The following SLC16A13 variants were observed in gnomAD, a reference collection of about 807,000 sequenced individuals.
SLC16A13 encodes monocarboxylate transporter 13.
SLC16A13 carries 28 observed loss-of-function variants against 28.1 expected under a neutral mutation model. The observed-to-expected ratio is 1.00, with a 90% CI of 0.74 to 1.37. The LOEUF (loss-of-function observed/expected upper bound fraction) is 1.37, where lower values mean the gene tolerates loss of function less well. Among genes scored for constraint, SLC16A13 ranks in the 40% most tolerant of loss-of-function variants. SLC16A13 has a pLI of 0.00. For missense variants in SLC16A13, 482 were observed against 531.8 expected (o/e 0.91, Z 0.92); for synonymous variants, 228 against 241.6 (o/e 0.94, Z 0.52).
rs201614354 is a variant in SLC16A13, at chr17:7,038,624, G to A, written c.816G>A (p.Leu272=). Residue 272 remains leucine, a synonymous_variant, in exon 3 of 4, where the codon CTG becomes CTA. Coordinates refer to ENST00000308027, the MANE Select transcript of SLC16A13 (RefSeq NM_201566.3). The surrounding 1 kb of genome is among the most constrained non-coding windows in gnomAD (Gnocchi z 5.7). ...DLVGRVVSGW[L]GDAVPGPVTR... ...TGGGGCGTGTGGTCTCCGGATGGCT[G>A]GGAGATGCAGTCCCAGGGCCTGTGA... is the stretch of plus-strand genomic sequence containing the variant. 7.2e-5 allele frequency: 116 copies of A among 1,614,176 alleles called. No homozygotes were observed. The East Asian group carries it at 2.1e-3, about 29-fold the overall frequency.
In SLC16A13 at chr17:7,036,324, G is replaced by C; in HGVS notation, c.-59G>C. On this transcript the variant is annotated 5_prime_UTR_variant, in exon 1 of 4. Coordinates refer to ENST00000308027, the MANE Select transcript of SLC16A13 (RefSeq NM_201566.3). ...GCGGGGGTGGGTGTGCAGAGGTGCG[G>C]CGTCCAGAACCCGGCTCCTGCAGAG... 6.6e-7 allele frequency: 1 copy of C among 1,523,440 alleles called. No homozygotes were observed. Among genetic ancestry groups the C allele is most frequent in the Non-Finnish European group, 8.9e-7 (1 of 1,128,950 alleles). The allele number at this position is 1,523,440 out of a possible 1,614,324, so 94.4% of individuals were successfully genotyped here.
In SLC16A13 at chr17:7,038,223, C is replaced by T; in HGVS notation, c.415C>T (p.Leu139=). 1.2e-6 allele frequency: 2 copies of T among 1,614,208 alleles called. No individual in the cohort carries two copies. Among genetic ancestry groups the T allele is most frequent in the East Asian group, 4.5e-5 (2 of 44,888 alleles). ...CTGTTATTTCTCTCGCCGACGATCC[C>T]TGGCCACCGGGCTGGCACTGACAGG... ...LSCYFSRRRS[L]ATGLALTGVG... Residue 139 remains leucine (L), a synonymous_variant, in exon 3 of 4, where the codon CTG becomes TTG. Transcript: ENST00000308027. This position sits in a 1 kb window ranked among gnomAD's most constrained non-coding sequence, Gnocchi z 5.7.
chr17:7,036,685 GACCC>G, intron 1 of SLC16A13, 38 bp from the exon 2 acceptor site: 1 of 1,607,112 alleles, frequency 6.2e-7, no homozygotes, highest in Non-Finnish European at 8.5e-7. Flanking sequence ...CTGGGGGGGA[GACCC>G]CTGAGATCTT....
Position 7,038,393 on chromosome 17 carries a change from T to C in SLC16A13, c.585T>C (p.Ala195=). The C allele has an allele frequency of 1.2e-6, 2 of 1,614,164 alleles. No individual in the cohort carries two copies. Among genetic ancestry groups the C allele is most frequent in the Non-Finnish European group, 1.7e-6 (2 of 1,180,030 alleles). Residue 195 remains alanine, a synonymous_variant, in exon 3 of 4, where the codon GCT becomes GCC. Coordinates refer to ENST00000308027, the MANE Select transcript of SLC16A13 (RefSeq NM_201566.3). This position sits in a 1 kb window ranked among gnomAD's most constrained non-coding sequence, Gnocchi z 5.7. ...CGALLRPPSL[A]EDPAVGGPRA... is the part of the protein sequence containing the mutation. ...CTCTCCTCCGCCCACCCTCCCTGGCTGAGGACCCTGCTGTGGGTGGTCCCA... is the reference window on the plus strand; with the variant it reads ...CTCTCCTCCGCCCACCCTCCCTGGCCGAGGACCCTGCTGTGGGTGGTCCCA...
chr17:7,038,414 T>C lies in SLC16A13; in HGVS notation c.606T>C (p.Gly202=). The C allele has an allele frequency of 6.2e-7, 1 of 1,613,972 alleles. No individual in the cohort carries two copies. The highest frequency in any genetic ancestry group is 8.5e-7 in the Non-Finnish European group (1 of 1,179,970). The change falls in exon 3 of 4, where the codon GGT becomes GGC. Residue 202 remains glycine (G), a synonymous_variant. Transcript: ENST00000308027. This position sits in a 1 kb window ranked among gnomAD's most constrained non-coding sequence, Gnocchi z 5.7. ...TGGCTGAGGACCCTGCTGTGGGTGG[T>C]CCCAGGGCCCAACTCACCTCTCTCC... ...PSLAEDPAVG[G]PRAQLTSLLH... is the part of the protein sequence containing the mutation.
Position 7,036,827 on chromosome 17 carries a change from T to G in SLC16A13, c.300T>G (p.Ala100=). The change falls in exon 2 of 4, where the codon GCT becomes GCG. Residue 100 remains alanine (A), a synonymous_variant. Coordinates refer to ENST00000308027, the MANE Select transcript of SLC16A13 (RefSeq NM_201566.3). The part of the protein sequence containing the change: ...AALGMLLASF[A]TSLTHLYLSI... ...TGGGGATGCTGCTCGCCTCTTTTGC[T>G]ACTTCCTTGACCCACCTATACCTGA... 1 of 1,613,828 alleles carries G rather than the reference T, an allele frequency of 6.2e-7. No individual in the cohort carries two copies. Among genetic ancestry groups the G allele is most frequent in the Admixed American group, 1.7e-5 (1 of 60,034 alleles).
rs1424525048 is a variant in SLC16A13, at chr17:7,036,802, T to C, written c.275T>C (p.Leu92Pro). ...ATGACTGGAGGCATCTTGGCTGCGC[T>C]GGGGATGCTGCTCGCCTCTTTTGCT... ...VVMTGGILAA[L>P]GMLLASFATS... The change falls in exon 2 of 4, where the codon CTG becomes CCG. Residue 92 changes from leucine to proline, a missense_variant. Transcript: ENST00000308027. The C allele has an allele frequency of 5.6e-6, 9 of 1,613,872 alleles. No individual in the cohort carries two copies. The highest frequency in any genetic ancestry group is 7.6e-6 in the Non-Finnish European group (9 of 1,180,048).
chr17:7,038,170 C>T lies in SLC16A13; in HGVS notation c.362C>T (p.Thr121Ile). Reference sequence around the variant, plus strand: ...TTGACAGGCTCTGGCTGGGCTTTGACCTTCGCTCCGACCCTGGCCTGCCTG... The same window carrying T: ...TTGACAGGCTCTGGCTGGGCTTTGATCTTCGCTCCGACCCTGGCCTGCCTG... Reference protein sequence around the residue: ...GLLSGSGWALTFAPTLACLSC... With the variant: ...GLLSGSGWALIFAPTLACLSC... The change falls in exon 3 of 4, where the codon ACC (threonine) becomes ATC (isoleucine). Residue 121 changes from threonine (T) to isoleucine (I), a missense_variant. Physicochemically the swap from Thr to Ile is moderately conservative, Grantham distance 89. Transcript: ENST00000308027. This position sits in a 1 kb window ranked among gnomAD's most constrained non-coding sequence, Gnocchi z 5.7. 1 of 1,613,164 alleles carries T rather than the reference C, an allele frequency of 6.2e-7. No individual in the cohort carries two copies. Among genetic ancestry groups the T allele is most frequent in the African/African-American group, 1.3e-5 (1 of 75,050 alleles).
At position 7,039,090 on chromosome 17, in the gene SLC16A13, A is replaced by G. The variant is rs73239873; in HGVS notation, c.1081+201A>G. On this transcript the variant is annotated intron_variant, in intron 3 of 3. Coordinates refer to ENST00000308027, the MANE Select transcript of SLC16A13 (RefSeq NM_201566.3). This position sits in a 1 kb window ranked among gnomAD's most constrained non-coding sequence, Gnocchi z 4.3. ...GGGAAAGTCTGAGTGGAAAGACAAA[A>G]AGAAGCTAAGTGGAACCCTTGGCAG... Among the ~76,000 whole-genome samples the G allele has an allele frequency of 0.02, 3,001 of 152,244 alleles. 92 individuals are homozygous for G. The highest frequency in any genetic ancestry group is 0.067 in the African/African-American group (2,800 of 41,532).
At position 7,036,342 on chromosome 17, in the gene SLC16A13, C is replaced by T. The variant is rs778139844; in HGVS notation, c.-41C>T. Reference sequence around the variant, plus strand: ...AGGTGCGGCGTCCAGAACCCGGCTCCTGCAGAGGCTCTGGGTGGCAGCAGC... The same window carrying T: ...AGGTGCGGCGTCCAGAACCCGGCTCTTGCAGAGGCTCTGGGTGGCAGCAGC... On this transcript the variant is annotated 5_prime_UTR_variant, in exon 1 of 4. Transcript: ENST00000308027. 5 of 1,566,476 alleles carry T rather than the reference C, an allele frequency of 3.2e-6. No homozygotes were observed. The highest frequency in any genetic ancestry group is 3.5e-6 in the Non-Finnish European group (4 of 1,157,350).
At position 7,036,207 on chromosome 17, in the gene SLC16A13, T is replaced by C; in HGVS notation, c.-176T>C. The C allele has an allele frequency of 1.6e-6, 1 of 631,960 alleles. No homozygotes were observed. The highest frequency in any genetic ancestry group is 2.7e-6 in the Non-Finnish European group (1 of 368,852). The allele number at this position is 631,960 out of a possible 1,614,324, so 39.1% of individuals were successfully genotyped here. Reference sequence around the variant, plus strand: ...GTCTTCAGTCCTATATCGCCCCGCCTTGGGAAAAGGTGCAGGGGCCTCTCG... The same window carrying C: ...GTCTTCAGTCCTATATCGCCCCGCCCTGGGAAAAGGTGCAGGGGCCTCTCG... On this transcript the variant is annotated 5_prime_UTR_variant, in exon 1 of 4. Coordinates refer to ENST00000308027, the MANE Select transcript of SLC16A13 (RefSeq NM_201566.3).
Position 7,036,833 on chromosome 17 carries a change from C to A in SLC16A13, c.306C>A (p.Ser102=). 6.2e-7 allele frequency: 1 copy of A among 1,613,690 alleles called. No individual in the cohort carries two copies. The highest frequency in any genetic ancestry group is 1.1e-5 in the South Asian group (1 of 91,088). ...LGMLLASFAT[S]LTHLYLSIGL... ...TGCTGCTCGCCTCTTTTGCTACTTC[C>A]TTGACCCACCTATACCTGAGTATTG... Residue 102 remains serine (S), a synonymous_variant, in exon 2 of 4, where the codon TCC becomes TCA. Coordinates refer to ENST00000308027, the MANE Select transcript of SLC16A13 (RefSeq NM_201566.3).
At chr17:7,036,626 G>A in intron 1 of SLC16A13, 45 bp downstream of exon 1, 1 of 1,610,716 alleles carries the variant, frequency 6.2e-7, no homozygotes, top group Non-Finnish European at 8.5e-7. Context: ...CCTCGGAAGG[G>A]AGAGGGAATG....
rs1355851337 is a variant in SLC16A13 at position 7,036,113 on chromosome 17, G to C, written c.-270G>C. 2.5e-6 allele frequency: 1 copy of C among 407,138 alleles called. No individual in the cohort carries two copies. Among genetic ancestry groups the C allele is most frequent in the East Asian group, 4.0e-5 (1 of 25,260 alleles). The allele number at this position is 407,138 out of a possible 1,614,324, so 25.2% of individuals were successfully genotyped here. A position where few individuals can be genotyped will look rare whatever the true frequency, so the allele number is the denominator to read the frequency against. ...ACCGGGACCGATCCGGCCCCGGCTT[G>C]AACTAGCTCAGCTCCGAGCTCGCGG... On this transcript the variant is annotated 5_prime_UTR_variant, in exon 1 of 4. Coordinates refer to ENST00000308027, the MANE Select transcript of SLC16A13 (RefSeq NM_201566.3).
Position 7,036,195 on chromosome 17 carries a change from T to A in SLC16A13, c.-188T>A. 1 of 611,424 alleles carries A rather than the reference T, an allele frequency of 1.6e-6. No individual in the cohort carries two copies. The highest frequency in any genetic ancestry group is 2.8e-6 in the Non-Finnish European group (1 of 351,818). The allele number at this position is 611,424 out of a possible 1,614,324, so 37.9% of individuals were successfully genotyped here. A position where few individuals can be genotyped will look rare whatever the true frequency, so the allele number is the denominator to read the frequency against. On this transcript the variant is annotated 5_prime_UTR_variant, in exon 1 of 4. Transcript: ENST00000308027. Reference sequence around the variant, plus strand: ...AGCGCGGGCCAGGTCTTCAGTCCTATATCGCCCCGCCTTGGGAAAAGGTGC... The same window carrying A: ...AGCGCGGGCCAGGTCTTCAGTCCTAAATCGCCCCGCCTTGGGAAAAGGTGC...
rs978317200 is a variant in SLC16A13 at position 7,036,018 on chromosome 17, C to A, written c.-365C>A. 9.9e-6 allele frequency: 2 copies of A among 202,344 alleles called. No homozygotes were observed. 12.5% of individuals were successfully genotyped at this position (202,344 alleles called of 1,614,324 possible). A position where few individuals can be genotyped will look rare whatever the true frequency, so the allele number is the denominator to read the frequency against. On this transcript the variant is annotated 5_prime_UTR_variant, in exon 1 of 4. Transcript: ENST00000308027. ...CCAGTGATAAAATAGATCATCTACACGGAAACTGGCGCGCTCCAGGGGTGG... is the reference window on the plus strand; with the variant it reads ...CCAGTGATAAAATAGATCATCTACAAGGAAACTGGCGCGCTCCAGGGGTGG...
chr17:7,036,169 C>G lies in SLC16A13; in HGVS notation c.-214C>G, dbSNP rs1309941745. The G allele has an allele frequency of 7.8e-6, 4 of 514,436 alleles. No individual in the cohort carries two copies. Among genetic ancestry groups the G allele is most frequent in the Non-Finnish European group, 1.4e-5 (4 of 292,884 alleles). 31.9% of individuals were successfully genotyped at this position (514,436 alleles called of 1,614,324 possible). A position where few individuals can be genotyped will look rare whatever the true frequency, so the allele number is the denominator to read the frequency against. ...CGCCCCCGGGAGACTCTGGCCCGGC[C>G]AGCGCGGGCCAGGTCTTCAGTCCTA... is the stretch of plus-strand genomic sequence containing the variant. On this transcript the variant is annotated 5_prime_UTR_variant, in exon 1 of 4. Coordinates refer to ENST00000308027, the MANE Select transcript of SLC16A13 (RefSeq NM_201566.3).
chr17:7,038,998 G>A lies in SLC16A13; in HGVS notation c.1081+109G>A. ...GAATATTGCCCTCTGGTGTAGTACA[G>A]TACACAGCCTGCGTGGCCAACCATA... is the stretch of plus-strand genomic sequence containing the variant. On this transcript the variant is annotated intron_variant, in intron 3 of 3. Transcript: ENST00000308027. This position sits in a 1 kb window ranked among gnomAD's most constrained non-coding sequence, Gnocchi z 5.7. The A allele has an allele frequency of 7.1e-7, 1 of 1,398,694 alleles. No homozygotes were observed. The highest frequency in any genetic ancestry group is 9.5e-7 in the Non-Finnish European group (1 of 1,047,576). 86.6% of individuals were successfully genotyped at this position (1,398,694 alleles called of 1,614,324 possible). A position where few individuals can be genotyped will look rare whatever the true frequency, so the allele number is the denominator to read the frequency against.
Position 7,036,286 on chromosome 17 carries a change from G to C in SLC16A13, c.-97G>C. 1 of 1,327,900 alleles carries C rather than the reference G, an allele frequency of 7.5e-7. No individual in the cohort carries two copies. Among genetic ancestry groups the C allele is most frequent in the South Asian group, 1.4e-5 (1 of 71,264 alleles). 82.3% of individuals were successfully genotyped at this position (1,327,900 alleles called of 1,614,324 possible). Reference sequence around the variant, plus strand: ...TGCCTCTCCAACCCCTCTCGGCCCCGAGCCACCCGGCAGCGGGGGTGGGTG... The same window carrying C: ...TGCCTCTCCAACCCCTCTCGGCCCCCAGCCACCCGGCAGCGGGGGTGGGTG... On this transcript the variant is annotated 5_prime_UTR_variant, in exon 1 of 4. Transcript: ENST00000308027.
Sources: allele counts gnomAD v4.1 joint callset (sites outside exome capture counted in the v4.1 genomes callset), GRCh38; gene constraint gnomAD v4.1.1; non-coding constraint Gnocchi (gnomAD v3.1); transcripts MANE v1.5; gene names NCBI Gene and HGNC (gene_info 2026-07-23, HGNC 2026-07-21).